CDC5L: variants seen among roughly 807,000 people sequenced by gnomAD.
The protein encoded by CDC5L is cell division cycle 5 like, also known as cell division cycle 5-like protein.
In CDC5L, 18 loss-of-function variants were observed where a neutral mutation model predicts 104.1. The ratio of observed to expected loss-of-function variants is 0.17; its 90% CI spans 0.12 to 0.26. CDC5L has a LOEUF of 0.26. Among genes scored for constraint, CDC5L ranks in the 10% least tolerant of loss-of-function variants. The pLI is 1.00. For synonymous variants in CDC5L, 331 were observed against 322.7 expected (o/e 1.03, Z -0.28); for missense variants, 673 against 956.9 (o/e 0.70, Z 3.91).
intron 5 of CDC5L, among the ~76,000 whole-genome samples, chr6:44,398,725 T>G (rs1474811751): frequency 6.6e-6 from 1 of 152,232 alleles, no homozygotes; most frequent in African/African-American, 2.4e-5. Flanking sequence ...GTAAAGGTTT[T>G]CTAATGTGGA....
rs1561971448 is a variant in CDC5L, at chr6:44,408,603, A to G, written c.1063A>G (p.Thr355Ala). ...NNSVALRTPRTPASQDRILQE... is the reference protein window; with the variant it reads ...NNSVALRTPRAPASQDRILQE... ...CAGCGTTGCTCTTAGAACACCACGA[A>G]CACCAGCTTCCCAGGACAGAATTCT... is the stretch of plus-strand genomic sequence containing the variant. The change falls in exon 8 of 16, where the codon ACA (threonine) becomes GCA (alanine). Residue 355 changes from threonine (T) to alanine (A), a missense_variant. By Grantham distance (58) the Thr-to-Ala change is moderately conservative. Transcript: ENST00000371477. 1.2e-6 allele frequency: 2 copies of G among 1,607,842 alleles called. No homozygotes were observed. The highest frequency in any genetic ancestry group is 8.5e-7 in the Non-Finnish European group (1 of 1,175,614).
chr6:44,390,223 C>A (rs370794465), intron 1 of CDC5L, 45 bp from the exon 2 acceptor site: 3 of 1,263,010 alleles, frequency 2.4e-6, no homozygotes, highest in Non-Finnish European at 3.5e-6. Flanking sequence ...TCTTTTCCCA[C>A]TTGGAGTTTT....
chr6:44,436,977 A>G lies in CDC5L; in HGVS notation c.2091+7067A>G, dbSNP rs557398159. Among the ~76,000 whole-genome samples the G allele has an allele frequency of 6.6e-5, 10 of 152,356 alleles. No homozygotes were observed. In the South Asian group the frequency reaches 1.4e-3, roughly 22 times the overall value. On this transcript the variant is annotated intron_variant, in intron 14 of 15. Transcript: ENST00000371477. ...ACTATTAGAAATTTTTTGTCAGTAC[A>G]TATTTAAAGCACAGTGTGGTGGCTT...
intron 8 of CDC5L, among the ~76,000 whole-genome samples, chr6:44,418,293 A>G (rs1202313418): frequency 1.3e-5 from 2 of 152,122 alleles, no homozygotes; most frequent in Non-Finnish European, 2.9e-5. Flanking sequence ...GATGGTTTCC[A>G]ATTTCATCCA....
At chr6:44,425,023 G>A (rs967408903) in intron 11 of CDC5L, among the ~76,000 whole-genome samples, 10 of 152,232 alleles carry the variant, frequency 6.6e-5, no homozygotes, top group Admixed American at 2.0e-4. Context: ...AATCCAGTCC[G>A]GGGAACATAG....
rs925609182 is a variant in CDC5L, at chr6:44,449,693, G to T, written c.*2982G>T. On this transcript the variant is annotated 3_prime_UTR_variant, in exon 16 of 16. Coordinates refer to ENST00000371477, the MANE Select transcript of CDC5L (RefSeq NM_001253.4). ...CTTTTTGAAATATTAGAGACATAAT[G>T]CTGTCTAATAAAAAACGACATCAAA... is the stretch of plus-strand genomic sequence containing the variant. 7.9e-5 allele frequency: 12 copies of T among 152,082 alleles called. No individual in the cohort carries two copies. Among genetic ancestry groups the T allele is most frequent in the Admixed American group, 2.6e-4 (4 of 15,246 alleles). The allele number at this position is 152,082 out of a possible 1,614,324, so 9.4% of individuals were successfully genotyped here. A position where few individuals can be genotyped will look rare whatever the true frequency, so the allele number is the denominator to read the frequency against.
At chr6:44,424,274 C>T in intron 10 of CDC5L, 145 bp from the exon 11 acceptor site, 2 of 695,660 alleles carry the variant, frequency 2.9e-6, no homozygotes, top group South Asian at 2.1e-5. Context: ...TGTTTGAAAC[C>T]ATCCAATTAT....
chr6:44,443,987 C>G (rs1581664237), intron 14 of CDC5L, among the ~76,000 whole-genome samples: 1 of 152,142 alleles, frequency 6.6e-6, no homozygotes, highest in East Asian at 1.9e-4. Flanking sequence ...CTCACCAATC[C>G]ATCCAGCTAG....
rs777700012 is a variant in CDC5L at position 44,422,783 on chromosome 6, A to G, written c.1378A>G (p.Ser460Gly). Reference sequence around the variant, plus strand: ...TCCCGAGGATGGAATGGCAGACTATAGTGATCCCTCTTACGTGAAGCAGAT... The same window carrying G: ...TCCCGAGGATGGAATGGCAGACTATGGTGATCCCTCTTACGTGAAGCAGAT... ...INPEDGMADY[S>G]DPSYVKQMER... is the part of the protein sequence containing the mutation. The change falls in exon 10 of 16, where the codon AGT (serine) becomes GGT (glycine). Residue 460 changes from serine (S) to glycine (G), a missense_variant. Ser to Gly is a moderately conservative substitution (Grantham distance 56, BLOSUM62 0). Around this residue, in one of 4 missense-constraint regions of CDC5L, gnomAD observed 578 missense variants for 737.0 expected, o/e 0.78. Coordinates refer to ENST00000371477, the MANE Select transcript of CDC5L (RefSeq NM_001253.4). 3.3e-5 allele frequency: 54 copies of G among 1,612,174 alleles called. No homozygotes were observed. Among genetic ancestry groups the G allele is most frequent in the Non-Finnish European group, 4.2e-5 (50 of 1,179,060 alleles).
intron 5 of CDC5L, among the ~76,000 whole-genome samples, chr6:44,403,469 C>T (rs1482121395): frequency 6.6e-6 from 1 of 151,878 alleles, no homozygotes; most frequent in Non-Finnish European, 1.5e-5. Flanking sequence ...TATCTCAAAG[C>T]TATTCAATGT....
intron 4 of CDC5L, 138 bp downstream of exon 4, chr6:44,393,711 C>A: frequency 3.5e-6 from 3 of 854,538 alleles, no homozygotes; most frequent in South Asian, 2.1e-5. Context: ...GTTACCCAGG[C>A]TGGAATGAAG....
At chr6:44,426,442 A>T in intron 12 of CDC5L, 40 bp from the exon 13 acceptor site, 1 of 1,124,516 alleles carries the variant, frequency 8.9e-7, no homozygotes, top group Non-Finnish European at 1.3e-6. Flanking sequence ...AATATATTAT[A>T]GTGATATGTT....
rs756934782 is a variant in CDC5L at position 44,446,783 on chromosome 6, T to C, written c.*72T>C. 2 of 716,638 alleles carry C rather than the reference T, an allele frequency of 2.8e-6. No individual in the cohort carries two copies. 44.4% of individuals were successfully genotyped at this position (716,638 alleles called of 1,614,324 possible). On this transcript the variant is annotated 3_prime_UTR_variant, in exon 16 of 16. Transcript: ENST00000371477. ...ATACTCTAGAAGGCTGAAACTGATGTTTATCTTCATTGACAAATTTACCCA... is the reference window on the plus strand; with the variant it reads ...ATACTCTAGAAGGCTGAAACTGATGCTTATCTTCATTGACAAATTTACCCA...
At chr6:44,412,654 A>G (rs916630016) in intron 8 of CDC5L, among the ~76,000 whole-genome samples, 21 of 151,892 alleles carry the variant, frequency 1.4e-4, no homozygotes, top group African/African-American at 4.6e-4. Context: ...TATAAGGGAC[A>G]TTTAATGGAA....
intron 2 of CDC5L, among the ~76,000 whole-genome samples, chr6:44,392,049 G>A (rs1019258889): frequency 3.9e-5 from 6 of 152,186 alleles, no homozygotes; most frequent in African/African-American, 1.4e-4. Context: ...TCTGATTTCT[G>A]TTTGTCTTAG....
chr6:44,408,321 C>T (rs567164340), intron 7 of CDC5L, 123 bp from the exon 8 acceptor site: 12 of 576,726 alleles, frequency 2.1e-5, no homozygotes, highest in African/African-American at 3.8e-5. Flanking sequence ...AGGTAGGTCC[C>T]GAACTCCTGG....
At position 44,448,746 on chromosome 6, in the gene CDC5L, T is replaced by G. The variant is rs2153385105; in HGVS notation, c.*2035T>G. ...TGCATGTTTTGTTATCTGAAATGTT[T>G]AGGACAATGTTAACAATAATGATGT... On this transcript the variant is annotated 3_prime_UTR_variant, in exon 16 of 16. Transcript: ENST00000371477. The G allele has an allele frequency of 6.6e-6, 1 of 152,344 alleles. No individual in the cohort carries two copies. The highest frequency in any genetic ancestry group is 6.5e-5 in the Admixed American group (1 of 15,308). 9.4% of individuals were successfully genotyped at this position (152,344 alleles called of 1,614,324 possible). A position where few individuals can be genotyped will look rare whatever the true frequency, so the allele number is the denominator to read the frequency against.
intron 14 of CDC5L, among the ~76,000 whole-genome samples, chr6:44,435,265 A>G (rs924113383): frequency 1.3e-5 from 2 of 151,878 alleles, no homozygotes; most frequent in South Asian, 2.1e-4. Context: ...TTTTTTCTGT[A>G]TAATTTTTTT....
intron 13 of CDC5L, among the ~76,000 whole-genome samples, 160 bp from the exon 14 acceptor site, chr6:44,429,553 G>A (rs1382015867): frequency 6.6e-6 from 1 of 152,074 alleles, no homozygotes; most frequent in Non-Finnish European, 1.5e-5. Context: ...GGCTTCTTAA[G>A]CTATTTTTCC....
Sources: gnomAD v4.1 joint callset for allele counts (sites outside exome capture counted in the v4.1 genomes callset) on GRCh38, gnomAD v4.1.1 for gene constraint, gnomAD v4.1.1 regional missense constraint, MANE v1.5 for transcripts, NCBI Gene and HGNC (gene_info 2026-07-23, HGNC 2026-07-21) for gene names.